The following ACAP1 variants were observed in gnomAD, a reference collection of about 807,000 sequenced individuals.
The protein encoded by ACAP1 is ArfGAP with coiled-coil, ankyrin repeat and PH domains 1, also known as arf-GAP with coiled-coil, ANK repeat and PH domain-containing protein 1.
In ACAP1, 45 loss-of-function variants were observed where a neutral mutation model predicts 98.8. The observed-to-expected ratio is 0.46, with a 90% CI of 0.36 to 0.58. The LOEUF (loss-of-function observed/expected upper bound fraction) is 0.58, where lower values mean the gene tolerates loss of function less well. ACAP1 is among the 20% of genes least tolerant of loss of function. The pLI is 0.00. For missense variants in ACAP1, 735 were observed against 971.4 expected (o/e 0.76, Z 3.24); for synonymous variants, 362 against 375.3 (o/e 0.96, Z 0.41).
intron 2 of ACAP1, among the ~76,000 whole-genome samples, chr17:7,340,781 G>T (rs1189587911): frequency 6.6e-6 from 1 of 152,194 alleles, no homozygotes; most frequent in Non-Finnish European, 1.5e-5. Flanking sequence ...GGGAGGTGGA[G>T]GTTGTGGTGA....
intron 21 of ACAP1, 93 bp from the exon 22 acceptor site, chr17:7,351,202 G>C: frequency 2.5e-6 from 3 of 1,210,956 alleles, no homozygotes; most frequent in South Asian, 1.4e-5. Context: ...ACCCAGGCTC[G>C]GAGCGCGAGG....
At position 7,336,562 on chromosome 17, in the gene ACAP1, C is replaced by G; in HGVS notation, c.-173C>G. ...CTGGAAGTGTGGGGTGAGAGCTCCT[C>G]CTAGGACACCCCTTTCCCCTTGGGG... On this transcript the variant is annotated 5_prime_UTR_variant, in exon 1 of 22. Coordinates refer to ENST00000158762, the MANE Select transcript of ACAP1 (RefSeq NM_014716.4). The G allele has an allele frequency of 1.5e-6, 1 of 661,284 alleles. No homozygotes were observed. Among genetic ancestry groups the G allele is most frequent in the South Asian group, 1.7e-5 (1 of 59,060 alleles). The allele number at this position is 661,284 out of a possible 1,614,324, so 41.0% of individuals were successfully genotyped here. A position where few individuals can be genotyped will look rare whatever the true frequency, so the allele number is the denominator to read the frequency against.
chr17:7,348,821 A>G, intron 17 of ACAP1, 174 bp from the exon 18 acceptor site: 2 of 631,936 alleles, frequency 3.2e-6, no homozygotes, highest in East Asian at 2.8e-5. Flanking sequence ...ACTCGTACAC[A>G]TGCATACGCA....
At chr17:7,351,065 G>A (rs2073404751) in intron 21 of ACAP1, 66 bp downstream of exon 21, 10 of 1,496,222 alleles carry the variant, frequency 6.7e-6, no homozygotes, top group Non-Finnish European at 9.3e-6. Flanking sequence ...GGTCCACGGT[G>A]ACCTCTCTCC....
rs74408907 is a variant in ACAP1, at chr17:7,341,002, A to G, written c.112-946A>G. On this transcript the variant is annotated intron_variant, in intron 2 of 21. Transcript: ENST00000158762. ...GGCCTATCAAGTCTCTTTGTCAGTC[A>G]AAAGAGCCAGATAGGATGGGCCCCA... Among the ~76,000 whole-genome samples the G allele has an allele frequency of 1.5e-3, 222 of 152,158 alleles. 6 individuals are homozygous for G. The East Asian group carries it at 0.039, about 27-fold the overall frequency.
rs1387768412 is a variant in ACAP1, at chr17:7,344,079, G to C, written c.700G>C (p.Glu234Gln). The C allele has an allele frequency of 6.3e-7, 1 of 1,592,828 alleles. No homozygotes were observed. Among genetic ancestry groups the C allele is most frequent in the Non-Finnish European group, 8.6e-7 (1 of 1,169,108 alleles). The change falls in exon 9 of 22, where the codon GAG (glutamate) becomes CAG (glutamine). Residue 234 changes from glutamate (E) to glutamine (Q), a missense_variant. Glu to Gln is a conservative substitution (Grantham distance 29). Around this residue, in one of 5 missense-constraint regions of ACAP1, gnomAD observed 430 missense variants for 531.8 expected, o/e 0.81. Transcript: ENST00000158762. The surrounding 1 kb of genome is among the most constrained non-coding windows in gnomAD (Gnocchi z 4.9). Reference protein sequence around the residue: ...LHQLVLNSAREKRDMEQRHVL... With the variant: ...LHQLVLNSARQKRDMEQRHVL... Reference sequence around the variant, plus strand: ...CCAGCTGGTCTTGAATTCAGCACGAGAGAAGAGGGACATGGAGCAGAGACA... The same window carrying C: ...CCAGCTGGTCTTGAATTCAGCACGACAGAAGAGGGACATGGAGCAGAGACA...
chr17:7,349,379 CTTTTT>C, intron 18 of ACAP1: 5 of 388,258 alleles, frequency 1.3e-5, no homozygotes, highest in Non-Finnish European at 2.3e-5. Context: ...TTACAGGAGA[CTTTTT>C]TTTTTTTTTT....
At chr17:7,349,811 G>A (rs931557138) in intron 18 of ACAP1, 134 bp from the exon 19 acceptor site, 34 of 709,316 alleles carry the variant, frequency 4.8e-5, no homozygotes, top group Non-Finnish European at 7.6e-5. Context: ...GTTACAGTTA[G>A]CTGTAACCCC....
Position 7,344,742 on chromosome 17 carries a change from A to T in ACAP1, c.854+94A>T, listed in dbSNP as rs1050459205. Reference sequence around the variant, plus strand: ...TAAGCACTGCAAGGAAAAACAGACGAACCCCCCTGCCTCAGTAGAGTTTCA... The same window carrying T: ...TAAGCACTGCAAGGAAAAACAGACGTACCCCCCTGCCTCAGTAGAGTTTCA... On this transcript the variant is annotated intron_variant, in intron 10 of 21. Coordinates refer to ENST00000158762, the MANE Select transcript of ACAP1 (RefSeq NM_014716.4). The surrounding 1 kb of genome is among the most constrained non-coding windows in gnomAD (Gnocchi z 4.9). 2 of 849,930 alleles carry T rather than the reference A, an allele frequency of 2.4e-6. No individual in the cohort carries two copies. Among genetic ancestry groups the T allele is most frequent in the East Asian group, 5.4e-5 (2 of 37,324 alleles). The allele number at this position is 849,930 out of a possible 1,614,324, so 52.6% of individuals were successfully genotyped here.
chr17:7,349,111 A>C lies in ACAP1; in HGVS notation c.1795A>C (p.Asn599His). The C allele has an allele frequency of 6.2e-7, 1 of 1,613,970 alleles. No homozygotes were observed. The highest frequency in any genetic ancestry group is 8.5e-7 in the Non-Finnish European group (1 of 1,179,982). Residue 599 changes from asparagine (N) to histidine (H), a missense_variant, in exon 18 of 22, where the codon AAC becomes CAC. Physicochemically the swap from Asn to His is moderately conservative, Grantham distance 68. This residue lies in a region of ACAP1 where 142 missense variants were observed against 224.1 expected (regional missense o/e 0.63). Transcript: ENST00000158762. ...TGCCCTTGCCCATGGAGCTGATGTCAACTGGGTCAATGGGGGCCAAGATAA... is the reference window on the plus strand; with the variant it reads ...TGCCCTTGCCCATGGAGCTGATGTCCACTGGGTCAATGGGGGCCAAGATAA... Reference protein sequence around the residue: ...ADALAHGADVNWVNGGQDNAT... With the variant: ...ADALAHGADVHWVNGGQDNAT...
chr17:7,340,503 A>G lies in ACAP1; in HGVS notation c.112-1445A>G, dbSNP rs1445619893. Among the ~76,000 whole-genome samples the G allele has an allele frequency of 2.0e-5, 3 of 152,310 alleles. No individual in the cohort carries two copies. In the East Asian group the frequency reaches 5.8e-4, roughly 29 times the overall value. ...CAGATTCACACAGTGATTTGTGAAC[A>G]TCCTTGTACCTTGTCACAGACAACC... On this transcript the variant is annotated intron_variant, in intron 2 of 21. Transcript: ENST00000158762.
At chr17:7,348,078 C>A (rs528701906) in intron 15 of ACAP1, 49 bp from the exon 16 acceptor site, 1 of 1,610,670 alleles carries the variant, frequency 6.2e-7, no homozygotes, top group African/African-American at 1.3e-5. Flanking sequence ...CCTGAGGAGT[C>A]ACTCACCCCC....
Position 7,344,420 on chromosome 17 carries a change from AT to A in ACAP1, c.745-115del, listed in dbSNP as rs970830101. On this transcript the variant is annotated intron_variant, in intron 9 of 21. Coordinates refer to ENST00000158762, the MANE Select transcript of ACAP1 (RefSeq NM_014716.4). This position sits in a 1 kb window ranked among gnomAD's most constrained non-coding sequence, Gnocchi z 4.9. ...AACAAGACCCTGTCTCTAAAAATAAATTTTAAAAAGTATTTCAAAAAGCAGA... is the reference window on the plus strand; with the variant it reads ...AACAAGACCCTGTCTCTAAAAATAAATTTAAAAAGTATTTCAAAAAGCAGA... The A allele has an allele frequency of 1.3e-6, 1 of 787,624 alleles. No homozygotes were observed. The highest frequency in any genetic ancestry group is 1.8e-5 in the African/African-American group (1 of 56,978). 48.8% of individuals were successfully genotyped at this position (787,624 alleles called of 1,614,324 possible). A position where few individuals can be genotyped will look rare whatever the true frequency, so the allele number is the denominator to read the frequency against.
chr17:7,344,717 T>C lies in ACAP1; in HGVS notation c.854+69T>C. The C allele has an allele frequency of 8.6e-7, 1 of 1,169,432 alleles. No individual in the cohort carries two copies. The highest frequency in any genetic ancestry group is 1.2e-6 in the Non-Finnish European group (1 of 804,724). 72.4% of individuals were successfully genotyped at this position (1,169,432 alleles called of 1,614,324 possible). ...GTATTTTCGAGTGGTAATAGCACAC[T>C]AAGCACTGCAAGGAAAAACAGACGA... On this transcript the variant is annotated intron_variant, in intron 10 of 21. Transcript: ENST00000158762. The surrounding 1 kb of genome is among the most constrained non-coding windows in gnomAD (Gnocchi z 4.9).
chr17:7,342,649 C>T (rs999996884), intron 5 of ACAP1, 175 bp downstream of exon 5: 9 of 752,912 alleles, frequency 1.2e-5, no homozygotes, highest in African/African-American at 5.3e-5. Flanking sequence ...CCTATGATCC[C>T]GGCATTTTGG....
chr17:7,348,102 C>T (rs767491938), intron 15 of ACAP1, 25 bp from the exon 16 acceptor site: 155 of 1,613,304 alleles, frequency 9.6e-5, no homozygotes, highest in Non-Finnish European at 1.2e-4. Flanking sequence ...TTCCCTGTCT[C>T]TGCCTCTGCC....
rs777665240 is a variant in ACAP1 at position 7,336,807 on chromosome 17, G to A, written c.53+20G>A. 50 of 1,613,376 alleles carry A rather than the reference G, an allele frequency of 3.1e-5. No homozygotes were observed. In the Middle Eastern group the frequency reaches 4.9e-4, roughly 16 times the overall value. On this transcript the variant is annotated intron_variant, in intron 1 of 21. Coordinates refer to ENST00000158762, the MANE Select transcript of ACAP1 (RefSeq NM_014716.4). Reference sequence around the variant, plus strand: ...TTTCCGGTAAGTGTGAACTGGTCTGGGGGGCTAAGGAGGGGAAAGTCTAAC... The same window carrying A: ...TTTCCGGTAAGTGTGAACTGGTCTGAGGGGCTAAGGAGGGGAAAGTCTAAC...
Position 7,343,188 on chromosome 17 carries a change from C to T in ACAP1, c.345-191C>T, listed in dbSNP as rs2073309153. ...AGCCCTGCTGCCCTCTTCCCATGGC[C>T]ACAGGAGCCTCCCCAGTGACGGAGT... On this transcript the variant is annotated intron_variant, in intron 5 of 21. Coordinates refer to ENST00000158762, the MANE Select transcript of ACAP1 (RefSeq NM_014716.4). The surrounding 1 kb of genome is among the most constrained non-coding windows in gnomAD (Gnocchi z 4.9). The T allele has an allele frequency of 8.9e-6, 5 of 562,012 alleles. No homozygotes were observed. In the East Asian group the frequency reaches 1.5e-4, roughly 17 times the overall value. 34.8% of individuals were successfully genotyped at this position (562,012 alleles called of 1,614,324 possible).
chr17:7,343,440 G>A lies in ACAP1; in HGVS notation c.406G>A (p.Ala136Thr). 6.2e-7 allele frequency: 1 copy of A among 1,614,148 alleles called. No homozygotes were observed. Among genetic ancestry groups the A allele is most frequent in the Non-Finnish European group, 8.5e-7 (1 of 1,180,034 alleles). The change falls in exon 6 of 22, where the codon GCT becomes ACT. Residue 136 changes from alanine (A) to threonine (T), a missense_variant. Physicochemically the swap from Ala to Thr is moderately conservative, Grantham distance 58. Around this residue, in one of 5 missense-constraint regions of ACAP1, gnomAD observed 430 missense variants for 531.8 expected, o/e 0.81. Coordinates refer to ENST00000158762, the MANE Select transcript of ACAP1 (RefSeq NM_014716.4). The surrounding 1 kb of genome is among the most constrained non-coding windows in gnomAD (Gnocchi z 4.9). ...CTGGCGGGGGGCTGAGAGCCTGGAG[G>A]CTGCCCTGACCCACAACGCAGAGGT... ...DFWRGAESLE[A>T]ALTHNAEVPR...
Sources: allele counts gnomAD v4.1 joint callset (sites outside exome capture counted in the v4.1 genomes callset), GRCh38; gene constraint gnomAD v4.1.1; regional missense constraint gnomAD v4.1.1; non-coding constraint Gnocchi (gnomAD v3.1); transcripts MANE v1.5; gene names NCBI Gene and HGNC (gene_info 2026-07-23, HGNC 2026-07-21).